Variants in LPP observed in about 807,000 individuals in gnomAD.
The protein encoded by LPP is lipoma-preferred partner.
A neutral mutation model predicts 60.4 loss-of-function variants in LPP; 38 were observed. The observed-to-expected ratio is 0.63, with a 90% CI of 0.49 to 0.83. The LOEUF (loss-of-function observed/expected upper bound fraction) is 0.83, where lower values mean the gene tolerates loss of function less well. Among genes scored for constraint, LPP ranks in the 40% least tolerant of loss-of-function variants. The pLI, the probability that LPP is intolerant of heterozygous loss-of-function variation, is 0.00. For synonymous variants in LPP, 328 were observed against 290.8 expected (o/e 1.13, Z -1.30); for missense variants, 902 against 783.6 (o/e 1.15, Z -1.80).
chr3:188,797,725 C>G (rs1335263227), intron 9 of LPP, among the ~76,000 whole-genome samples: 1 of 152,216 alleles, frequency 6.6e-6, no homozygotes, highest in African/African-American at 2.4e-5. Context: ...TAGAAGTAGT[C>G]ACTCCCTGCT....
chr3:188,252,835 G>A (rs1225895547), intron 2 of LPP, among the ~76,000 whole-genome samples: 5 of 152,070 alleles, frequency 3.3e-5, no homozygotes, highest in South Asian at 2.1e-4. Context: ...GCAGTGGCAC[G>A]ATCTCAACTC....
At chr3:188,508,298 T>G (rs1250292283) in intron 5 of LPP, among the ~76,000 whole-genome samples, 2 of 152,112 alleles carry the variant, frequency 1.3e-5, no homozygotes, top group African/African-American at 4.8e-5. Context: ...GAAGAATCCT[T>G]TGGAAAAAAA....
intron 9 of LPP, among the ~76,000 whole-genome samples, chr3:188,812,087 C>A (rs1162229151): frequency 6.6e-6 from 1 of 152,050 alleles, no homozygotes; most frequent in Non-Finnish European, 1.5e-5. Flanking sequence ...TTACGTTCCT[C>A]CTGGTCTGTT....
intron 3 of LPP, among the ~76,000 whole-genome samples, chr3:188,355,748 C>T (rs1168049490): frequency 6.6e-6 from 1 of 152,160 alleles, no homozygotes; most frequent in Non-Finnish European, 1.5e-5. Context: ...AGTGTTCCCA[C>T]GTTGTAGAAA....
In LPP at chr3:188,785,887, G is replaced by A. The variant is rs185494675; in HGVS notation, c.1410+25605G>A. Among the ~76,000 whole-genome samples the A allele has an allele frequency of 2.5e-3, 374 of 151,570 alleles. 1 individual carries two copies. The highest frequency in any genetic ancestry group is 8.6e-3 in the African/African-American group (356 of 41,300). ...ACTCCTAAGTTGTCCAGTCTCTCTG[G>A]GATCATTTTCTTTCTCAATTTTCTC... is the stretch of plus-strand genomic sequence containing the variant. On this transcript the variant is annotated intron_variant, in intron 9 of 11. Transcript: ENST00000617246.
At chr3:188,558,811 A>G (rs1045403699) in intron 6 of LPP, among the ~76,000 whole-genome samples, 5 of 152,104 alleles carry the variant, frequency 3.3e-5, no homozygotes, top group Non-Finnish European at 2.9e-5. Context: ...ATGAATCTAA[A>G]GGGCAATGAT....
intron 2 of LPP, among the ~76,000 whole-genome samples, chr3:188,313,152 A>T (rs1753984283): frequency 6.6e-6 from 1 of 151,854 alleles, no homozygotes; most frequent in Non-Finnish European, 1.5e-5. Context: ...AAAAAAAAAG[A>T]ATTTGCATCT....
intron 8 of LPP, among the ~76,000 whole-genome samples, chr3:188,755,852 A>T: frequency 8.9e-6 from 1 of 112,248 alleles, no homozygotes; most frequent in Non-Finnish European, 1.9e-5. Context: ...AAAAAAAAAA[A>T]AAAAAAAAAA....
chr3:188,194,590 C>A (rs1343374707), intron 1 of LPP, among the ~76,000 whole-genome samples: 9 of 152,092 alleles, frequency 5.9e-5, no homozygotes, highest in Non-Finnish European at 1.3e-4. Context: ...TCAGGTTGAC[C>A]ACAACTTCTG....
chr3:188,199,951 G>A (rs530158558), intron 1 of LPP, among the ~76,000 whole-genome samples: 1 of 152,112 alleles, frequency 6.6e-6, no homozygotes, highest in East Asian at 1.9e-4. Flanking sequence ...CTGACCTCAG[G>A]TGATCCTCCC....
chr3:188,710,404 G>T (rs1227952661), intron 8 of LPP: 1 of 152,134 alleles, frequency 6.6e-6, no homozygotes, highest in Non-Finnish European at 1.5e-5. Context: ...TATATCAACG[G>T]TTGGGGCAAA....
intron 1 of LPP, among the ~76,000 whole-genome samples, chr3:188,181,787 G>A (rs1725083422): frequency 6.6e-6 from 1 of 152,196 alleles, no homozygotes; most frequent in South Asian, 2.1e-4. Context: ...AGTGGCATGA[G>A]CATAGCTCAC....
chr3:188,274,015 A>C (rs1738786993), intron 2 of LPP, among the ~76,000 whole-genome samples: 2 of 152,226 alleles, frequency 1.3e-5, no homozygotes, highest in Admixed American at 1.3e-4. Flanking sequence ...TGCCACCCTT[A>C]CATGGCTTTA....
intron 9 of LPP, among the ~76,000 whole-genome samples, chr3:188,841,487 G>A (rs755780460): frequency 6.8e-6 from 1 of 146,688 alleles, no homozygotes; most frequent in Non-Finnish European, 1.5e-5. Flanking sequence ...TGCCTCCCAG[G>A]TTCAAGCGAT....
intron 7 of LPP, among the ~76,000 whole-genome samples, chr3:188,654,629 C>T (rs1255355712): frequency 6.6e-6 from 1 of 152,122 alleles, no homozygotes; most frequent in Non-Finnish European, 1.5e-5. Flanking sequence ...ACAATTTTCT[C>T]CAAGAAACTG....
intron 2 of LPP, among the ~76,000 whole-genome samples, chr3:188,289,272 A>G (rs2150024268): frequency 6.6e-6 from 1 of 152,298 alleles, no homozygotes; most frequent in East Asian, 1.9e-4. Context: ...AGACGTGGCT[A>G]TGAGCCCCAA....
intron 9 of LPP, among the ~76,000 whole-genome samples, chr3:188,840,731 C>A (rs748599685): frequency 3.3e-5 from 5 of 152,092 alleles, no homozygotes; most frequent in Non-Finnish European, 7.4e-5. Context: ...AACTCCTGGC[C>A]ACAAGCATTA....
At chr3:188,559,710 T>C (rs1273984733) in intron 6 of LPP, among the ~76,000 whole-genome samples, 14 of 152,104 alleles carry the variant, frequency 9.2e-5, no homozygotes, top group Non-Finnish European at 7.4e-5. Context: ...ATTTTATTAT[T>C]CTTTTACTAT....
chr3:188,381,740 A>G (rs1433835058), intron 3 of LPP, among the ~76,000 whole-genome samples: 1 of 152,242 alleles, frequency 6.6e-6, no homozygotes, highest in Non-Finnish European at 1.5e-5. Flanking sequence ...TTATAGTTAA[A>G]GCTGGAGATT....
Sources: gnomAD v4.1 joint callset for allele counts (sites outside exome capture counted in the v4.1 genomes callset) on GRCh38, gnomAD v4.1.1 for gene constraint, MANE v1.5 for transcripts, NCBI Gene and HGNC (gene_info 2026-07-23, HGNC 2026-07-21) for gene names.